The following CNTN5 variants were observed in gnomAD, a reference collection of about 807,000 sequenced individuals.
The protein encoded by CNTN5 is contactin 5.
CNTN5 carries 77 observed loss-of-function variants against 129.1 expected under a neutral mutation model. The ratio of observed to expected loss-of-function variants is 0.60; its 90% CI spans 0.50 to 0.72. The LOEUF (loss-of-function observed/expected upper bound fraction) is 0.72. Among genes scored for constraint, CNTN5 ranks in the 30% least tolerant of loss-of-function variants. The probability of loss-of-function intolerance (pLI) is 0.00; values close to 1 mark genes in which losing one functional copy is unlikely to be tolerated. For synonymous variants in CNTN5, 509 were observed against 465.6 expected (o/e 1.09, Z -1.20); for missense variants, 1,478 against 1,328.8 (o/e 1.11, Z -1.75).
At chr11:99,280,861 T>C (rs1863663879) in intron 1 of CNTN5, among the ~76,000 whole-genome samples, 1 of 151,752 alleles carries the variant, frequency 6.6e-6, no homozygotes, top group South Asian at 2.1e-4. Context: ...CACCAAGTTA[T>C]TAATAATTAT....
intron 2 of CNTN5, among the ~76,000 whole-genome samples, chr11:99,467,868 G>T (rs529625729): frequency 6.6e-6 from 1 of 151,820 alleles, no homozygotes; most frequent in Non-Finnish European, 1.5e-5. Context: ...TTCTCAAGCT[G>T]TTTCCTTCTT....
chr11:99,831,597 A>T (rs933928281), intron 4 of CNTN5, among the ~76,000 whole-genome samples: 1 of 151,716 alleles, frequency 6.6e-6, no homozygotes, highest in African/African-American at 2.4e-5. Flanking sequence ...CTGGCAGCAG[A>T]CTGCCAGTGA....
chr11:99,724,638 C>T (rs1943278182), intron 3 of CNTN5, among the ~76,000 whole-genome samples: 1 of 152,168 alleles, frequency 6.6e-6, no homozygotes, highest in Non-Finnish European at 1.5e-5. Context: ...TGAACTGAGA[C>T]TTGAATCCAG....
intron 4 of CNTN5, among the ~76,000 whole-genome samples, chr11:99,841,835 T>TAC (rs538374545): frequency 0.016 from 2,293 of 144,194 alleles, 56 homozygotes; most frequent in African/African-American, 0.049. Flanking sequence ...TATATATATA[T>TAC]ACACACACAC....
chr11:99,318,003 C>G (rs1389507567), intron 1 of CNTN5, among the ~76,000 whole-genome samples: 1 of 152,094 alleles, frequency 6.6e-6, no homozygotes, highest in African/African-American at 2.4e-5. Flanking sequence ...TGGTCCTAGA[C>G]TGAAAACTCT....
chr11:100,188,893 C>T (rs956894167), intron 13 of CNTN5, among the ~76,000 whole-genome samples: 1 of 152,100 alleles, frequency 6.6e-6, no homozygotes, highest in African/African-American at 2.4e-5. Flanking sequence ...GAATACTAGC[C>T]AGCCATAAAA....
intron 18 of CNTN5, among the ~76,000 whole-genome samples, chr11:100,292,025 A>T (rs1950993786): frequency 6.6e-6 from 1 of 151,934 alleles, no homozygotes; most frequent in African/African-American, 2.4e-5. Flanking sequence ...AGGTATTTAA[A>T]AATTCCAGTT....
chr11:99,865,902 GT>G (rs954762957), intron 6 of CNTN5, among the ~76,000 whole-genome samples: 4 of 152,048 alleles, frequency 2.6e-5, no homozygotes, highest in South Asian at 2.1e-4. Context: ...ATGGATTCAA[GT>G]TTTTTAGTTT....
In CNTN5 at chr11:100,160,079, A is replaced by G. The variant is rs535586628; in HGVS notation, c.1581-31047A>G. 1.0e-3 allele frequency among the ~76,000 whole-genome samples: 158 copies of G among 151,558 alleles called. 1 individual carries two copies. Among genetic ancestry groups the G allele is most frequent in the African/African-American group, 3.8e-3 (155 of 41,318 alleles). On this transcript the variant is annotated intron_variant, in intron 13 of 24. Coordinates refer to ENST00000524871, the MANE Select transcript of CNTN5 (RefSeq NM_014361.4). ...ATGCTATTCCCTCCCCTAGCCCCTC[A>G]CCCACCAACAGGCCCTAGTATGTGA...
At chr11:99,468,387 A>G (rs769872782) in intron 2 of CNTN5, among the ~76,000 whole-genome samples, 1 of 152,084 alleles carries the variant, frequency 6.6e-6, no homozygotes, top group Non-Finnish European at 1.5e-5. Flanking sequence ...CTCTATCAGA[A>G]CCAAGAACAT....
chr11:100,085,452 A>AT (rs1345542480), intron 13 of CNTN5, among the ~76,000 whole-genome samples: 4 of 152,160 alleles, frequency 2.6e-5, no homozygotes, highest in African/African-American at 9.6e-5. Context: ...ATTTATTTCC[A>AT]TAAAAACTAA....
At chr11:100,027,114 G>A (rs78419885) in intron 9 of CNTN5, among the ~76,000 whole-genome samples, 2 of 151,934 alleles carry the variant, frequency 1.3e-5, no homozygotes. Flanking sequence ...CTGTTTTAAT[G>A]TTCTTGTTTA....
intron 2 of CNTN5, among the ~76,000 whole-genome samples, chr11:99,448,775 ATTTTATTT>A (rs1342571470): frequency 1.1e-4 from 16 of 147,428 alleles, no homozygotes; most frequent in African/African-American, 4.0e-4. Context: ...ATTTTATTTT[ATTTTATTT>A]TATTTTATTT....
intron 1 of CNTN5, among the ~76,000 whole-genome samples, chr11:99,264,362 A>C (rs1417400111): frequency 6.6e-6 from 1 of 152,042 alleles, no homozygotes; most frequent in African/African-American, 2.4e-5. Context: ...AATTAATTAA[A>C]TGTAATTTTA....
chr11:99,238,660 A>G (rs1250841500), intron 1 of CNTN5, among the ~76,000 whole-genome samples: 1 of 152,142 alleles, frequency 6.6e-6, no homozygotes, highest in Admixed American at 6.5e-5. Flanking sequence ...GTATGCTAAA[A>G]TATTTTTTGT....
At chr11:99,934,956 A>G in intron 7 of CNTN5, among the ~76,000 whole-genome samples, 1 of 139,406 alleles carries the variant, frequency 7.2e-6, no homozygotes, top group African/African-American at 2.7e-5. Context: ...ATACACACAC[A>G]TATATATGGT....
intron 16 of CNTN5, among the ~76,000 whole-genome samples, chr11:100,252,481 C>A (rs377114862): frequency 1.3e-5 from 2 of 152,034 alleles, no homozygotes; most frequent in Non-Finnish European, 2.9e-5. Flanking sequence ...TTCATAAAAT[C>A]TTTTCCAAAA....
intron 4 of CNTN5, among the ~76,000 whole-genome samples, chr11:99,827,865 C>T (rs936846069): frequency 6.6e-5 from 10 of 152,084 alleles, no homozygotes; most frequent in South Asian, 6.2e-4. Context: ...TTTCTTTGAT[C>T]GGTCAATAAC....
intron 1 of CNTN5, among the ~76,000 whole-genome samples, chr11:99,180,545 T>C (rs558472101): frequency 6.6e-6 from 1 of 152,328 alleles, no homozygotes; most frequent in Non-Finnish European, 1.5e-5. Flanking sequence ...CATATAGGAA[T>C]AGATTGAAAT....
Sources: gnomAD v4.1 joint callset for allele counts (sites outside exome capture counted in the v4.1 genomes callset) on GRCh38, gnomAD v4.1.1 for gene constraint, MANE v1.5 for transcripts, NCBI Gene and HGNC (gene_info 2026-07-23, HGNC 2026-07-21) for gene names.